The following SDR9C7 variants were observed in gnomAD, a reference collection of about 807,000 sequenced individuals.
SDR9C7 encodes the protein short-chain dehydrogenase/reductase family 9C member 7.
SDR9C7 carries 11 observed loss-of-function variants against 23.6 expected under a neutral mutation model. The observed-to-expected ratio is 0.47, with a 90% CI of 0.29 to 0.77. The LOEUF (loss-of-function observed/expected upper bound fraction) is 0.77. SDR9C7 is among the 30% of genes least tolerant of loss of function. The pLI, the probability that SDR9C7 is intolerant of heterozygous loss-of-function variation, is 0.09. For missense variants in SDR9C7, 387 were observed against 407.1 expected (o/e 0.95, Z 0.42); for synonymous variants, 167 against 157.3 (o/e 1.06, Z -0.46).
At chr12:56,930,545 C>A in intron 1 of SDR9C7, 61 bp from the exon 2 acceptor site, 1 of 1,576,144 alleles carries the variant, frequency 6.3e-7, no homozygotes, top group Non-Finnish European at 8.6e-7. Context: ...CCAAGTTCTG[C>A]TCCCCACCGG....
At chr12:56,928,901 C>A (rs1955750023) in intron 3 of SDR9C7, among the ~76,000 whole-genome samples, 1 of 152,180 alleles carries the variant, frequency 6.6e-6, no homozygotes. Flanking sequence ...TTAACAAGCA[C>A]TCAGAATGTG....
rs752004035 is a variant in SDR9C7 at position 56,923,944 on chromosome 12, G to A, written c.831C>T (p.Tyr277=). The A allele has an allele frequency of 5.0e-6, 8 of 1,614,164 alleles. No homozygotes were observed. In the South Asian group the frequency reaches 7.7e-5, roughly 16 times the overall value. ...GGAGTTTGGCATCCAGGCCAGGGTTGTAGCGGATGCGAGGGCTCCGGGAAA... is the reference window on the plus strand; with the variant it reads ...GGAGTTTGGCATCCAGGCCAGGGTTATAGCGGATGCGAGGGCTCCGGGAAA... ...AIVSRSPRIR[Y]NPGLDAKLLY... Residue 277 remains tyrosine, a synonymous_variant, in exon 4 of 4, where the codon TAC becomes TAT. Transcript: ENST00000293502.
At position 56,934,344 on chromosome 12, in the gene SDR9C7, C is replaced by G; in HGVS notation, c.-83G>C. 8.0e-7 allele frequency: 1 copy of G among 1,254,960 alleles called. No individual in the cohort carries two copies. The allele number at this position is 1,254,960 out of a possible 1,614,324, so 77.7% of individuals were successfully genotyped here. ...AGCTGGTCCTCTGAGCCCTAGCAGG[C>G]AGTCTGCAGGAAACCACCTGGAAGA... On this transcript the variant is annotated 5_prime_UTR_variant, in exon 1 of 4. Transcript: ENST00000293502.
At position 56,930,454 on chromosome 12, in the gene SDR9C7, A is replaced by G; in HGVS notation, c.332T>C (p.Val111Ala). Residue 111 changes from valine to alanine, a missense_variant, in exon 2 of 4, where the codon GTG becomes GCG. By Grantham distance (64) the Val-to-Ala change is moderately conservative (BLOSUM62 0). Transcript: ENST00000293502. ...TTCGTTGGGACCACTGGGCAGGCCCACACCAGCATTGTTCACCAGGGCCCA... is the reference window on the plus strand; with the variant it reads ...TTCGTTGGGACCACTGGGCAGGCCCGCACCAGCATTGTTCACCAGGGCCCA... ...GLWALVNNAG[V>A]GLPSGPNEWL... The G allele has an allele frequency of 6.2e-7, 1 of 1,614,156 alleles. No individual in the cohort carries two copies. The highest frequency in any genetic ancestry group is 8.5e-7 in the Non-Finnish European group (1 of 1,180,014).
rs375778658 is a variant in SDR9C7, at chr12:56,923,717, C to T, written c.*116G>A. On this transcript the variant is annotated 3_prime_UTR_variant, in exon 4 of 4. Coordinates refer to ENST00000293502, the MANE Select transcript of SDR9C7 (RefSeq NM_148897.3). ...TCGACAGCAGTGGGTGTCAGCTGAG[C>T]CAAGCTTCCTTTGCAGCCAATGCCC... 1.3e-4 allele frequency: 115 copies of T among 852,536 alleles called. 1 individual carries two copies. The highest frequency in any genetic ancestry group is 9.2e-4 in the East Asian group (36 of 39,044). The allele number at this position is 852,536 out of a possible 1,614,324, so 52.8% of individuals were successfully genotyped here. A position where few individuals can be genotyped will look rare whatever the true frequency, so the allele number is the denominator to read the frequency against.
At chr12:56,924,246 T>C (rs946981277) in intron 3 of SDR9C7, among the ~76,000 whole-genome samples, 196 bp from the exon 4 acceptor site, 1 of 152,004 alleles carries the variant, frequency 6.6e-6, no homozygotes, top group African/African-American at 2.4e-5. Flanking sequence ...CTGGCCAACA[T>C]GGTGAAACCC....
At position 56,934,047 on chromosome 12, in the gene SDR9C7, C is replaced by T. The variant is rs61743538; in HGVS notation, c.215G>A (p.Arg72Gln). Residue 72 changes from arginine to glutamine, a missense_variant, in exon 1 of 4, where the codon CGG (arginine) becomes CAG (glutamine). Coordinates refer to ENST00000293502, the MANE Select transcript of SDR9C7 (RefSeq NM_148897.3). ...GACATCCAGTAGGGTGGTCTGCAGCCGATAGGAGGTATCCCGCTGAAGTTT... is the reference window on the plus strand; with the variant it reads ...GACATCCAGTAGGGTGGTCTGCAGCTGATAGGAGGTATCCCGCTGAAGTTT... Reference protein sequence around the residue: ...SQKLQRDTSYRLQTTLLDVTK... With the variant: ...SQKLQRDTSYQLQTTLLDVTK... 6.6e-4 allele frequency: 1,061 copies of T among 1,614,170 alleles called. 7 individuals carry two copies. In the African/African-American group the frequency reaches 0.011, roughly 17 times the overall value.
intron 3 of SDR9C7, among the ~76,000 whole-genome samples, chr12:56,927,239 A>C (rs1474828963): frequency 6.6e-6 from 1 of 152,128 alleles, no homozygotes; most frequent in Non-Finnish European, 1.5e-5. Context: ...GCCTTTATAC[A>C]TATTCTTTCA....
At chr12:56,931,703 G>A (rs1955769992) in intron 1 of SDR9C7, among the ~76,000 whole-genome samples, 1 of 152,044 alleles carries the variant, frequency 6.6e-6, no homozygotes, top group South Asian at 2.1e-4. Context: ...ACATATTGGG[G>A]TTCTACTGTA....
Position 56,930,348 on chromosome 12 carries a change from G to A in SDR9C7, c.438C>T (p.Pro146=). Residue 146 remains proline, a synonymous_variant, in exon 2 of 4, where the codon CCC becomes CCT. Transcript: ENST00000293502. The stretch of plus-strand genomic sequence containing the variant: ...CCCTGCCCCGGGCTCTCTTGACCAT[G>A]GGCAGCATGTGAAGGGTCACTTCGA... ...GLIEVTLHML[P]MVKRARGRVV... The A allele has an allele frequency of 1.9e-6, 3 of 1,614,106 alleles. 1 individual carries two copies. The highest frequency in any genetic ancestry group is 8.5e-7 in the Non-Finnish European group (1 of 1,180,024).
chr12:56,923,745 A>G lies in SDR9C7; in HGVS notation c.*88T>C, dbSNP rs1271663422. ...AGCTTCCTTTGCAGCCAATGCCCCC[A>G]GGATAACCGATACCACCTTTTGTGA... On this transcript the variant is annotated 3_prime_UTR_variant, in exon 4 of 4. Coordinates refer to ENST00000293502, the MANE Select transcript of SDR9C7 (RefSeq NM_148897.3). 1.2e-5 allele frequency: 13 copies of G among 1,088,802 alleles called. No homozygotes were observed. The East Asian group carries it at 2.7e-4, about 23-fold the overall frequency. 67.4% of individuals were successfully genotyped at this position (1,088,802 alleles called of 1,614,324 possible).
chr12:56,934,225 A>G lies in SDR9C7; in HGVS notation c.37T>C (p.Trp13Arg), dbSNP rs1955785341. The G allele has an allele frequency of 6.2e-7, 1 of 1,614,202 alleles. No individual in the cohort carries two copies. Among genetic ancestry groups the G allele is most frequent in the Non-Finnish European group, 8.5e-7 (1 of 1,180,024 alleles). Reference sequence around the variant, plus strand: ...CCAACCAGATTGCAGTTCTTGAACCAGCGATACATAAATGAGAGGTCTGTG... The same window carrying G: ...CCAACCAGATTGCAGTTCTTGAACCGGCGATACATAAATGAGAGGTCTGTG... Reference protein sequence around the residue: ...ALTDLSFMYRWFKNCNLVGNL... With the variant: ...ALTDLSFMYRRFKNCNLVGNL... The change falls in exon 1 of 4, where the codon TGG becomes CGG. Residue 13 changes from tryptophan (W) to arginine (R), a missense_variant. Trp to Arg is a moderately radical substitution (Grantham distance 101). Transcript: ENST00000293502.
rs999732560 is a variant in SDR9C7 at position 56,923,578 on chromosome 12, G to A, written c.*255C>T. The stretch of plus-strand genomic sequence containing the variant: ...GCTGTATCCTGATTGGGTGACAGAC[G>A]TCCTTGGAGCTATTGCTGCAGATCG... On this transcript the variant is annotated 3_prime_UTR_variant, in exon 4 of 4. Transcript: ENST00000293502. The A allele has an allele frequency of 7.9e-5, 27 of 343,656 alleles. No homozygotes were observed. The highest frequency in any genetic ancestry group is 4.8e-4 in the South Asian group (5 of 10,506). 21.3% of individuals were successfully genotyped at this position (343,656 alleles called of 1,614,324 possible).
chr12:56,924,429 A>AAAATAAAT (rs111368194), intron 3 of SDR9C7, among the ~76,000 whole-genome samples: 19,551 of 150,924 alleles, frequency 0.13, 1,348 homozygotes, highest in Middle Eastern at 0.23. Flanking sequence ...ACGCTGTCTC[A>AAAATAAAT]AAATAAATAA....
intron 3 of SDR9C7, among the ~76,000 whole-genome samples, chr12:56,926,780 C>T (rs1367515494): frequency 6.6e-6 from 1 of 152,188 alleles, no homozygotes; most frequent in Non-Finnish European, 1.5e-5. Flanking sequence ...GTTGCTCACA[C>T]CCTTCCTCTT....
intron 3 of SDR9C7, among the ~76,000 whole-genome samples, chr12:56,925,767 C>T (rs762406299): frequency 1.8e-4 from 27 of 152,212 alleles, no homozygotes; most frequent in Non-Finnish European, 3.5e-4. Flanking sequence ...TCGAAGGAAT[C>T]GTTCAGGATG....
intron 1 of SDR9C7, among the ~76,000 whole-genome samples, chr12:56,932,451 G>A (rs1174065799): frequency 6.6e-6 from 1 of 152,186 alleles, no homozygotes; most frequent in Non-Finnish European, 1.5e-5. Flanking sequence ...CAGCTCTGCT[G>A]ACTTTGATTT....
intron 1 of SDR9C7, among the ~76,000 whole-genome samples, chr12:56,931,465 C>G (rs1026932054): frequency 6.6e-6 from 1 of 151,916 alleles, no homozygotes; most frequent in African/African-American, 2.4e-5. Flanking sequence ...TAGGTTGGTA[C>G]AAATGGAAAG....
chr12:56,925,885 G>A (rs566324047), intron 3 of SDR9C7, among the ~76,000 whole-genome samples: 154 of 152,328 alleles, frequency 1.0e-3, no homozygotes, highest in African/African-American at 3.6e-3. Context: ...TCTGAGAGGT[G>A]GGGAGGGCTT....
Sources: gnomAD v4.1 joint callset for allele counts (sites outside exome capture counted in the v4.1 genomes callset) on GRCh38, gnomAD v4.1.1 for gene constraint, MANE v1.5 for transcripts, NCBI Gene and HGNC (gene_info 2026-07-23, HGNC 2026-07-21) for gene names.